C1orf53: variants seen among roughly 807,000 people sequenced by gnomAD.
The protein encoded by C1orf53 is uncharacterized protein C1orf53.
Under a neutral mutation model 17.5 loss-of-function variants are expected in C1orf53, and 23 were observed. The ratio of observed to expected loss-of-function variants is 1.31; its 90% CI spans 0.94 to 1.86. C1orf53 has a LOEUF of 1.86. C1orf53 is among the 40% of genes most tolerant of loss of function. The pLI is 0.00. For synonymous variants in C1orf53, 108 were observed against 81.9 expected (o/e 1.32, Z -1.72); for missense variants, 255 against 193.2 (o/e 1.32, Z -1.89).
intron 2 of C1orf53, among the ~76,000 whole-genome samples, chr1:197,906,219 G>T (rs1169592955): frequency 6.6e-6 from 1 of 152,206 alleles, no homozygotes; most frequent in Non-Finnish European, 1.5e-5. Context: ...AAGAGGGCAG[G>T]AAAAGAAATC....
rs1201425730 is a variant in C1orf53 at position 197,902,836 on chromosome 1, G to C, written c.187G>C (p.Ala63Pro). The C allele has an allele frequency of 6.4e-7, 1 of 1,562,146 alleles. No individual in the cohort carries two copies. The highest frequency in any genetic ancestry group is 1.2e-5 in the South Asian group (1 of 85,104). Residue 63 changes from alanine (A) to proline (P), a missense_variant, in exon 1 of 3, where the codon GCG becomes CCG. Physicochemically the swap from Ala to Pro is conservative, Grantham distance 27. Coordinates refer to ENST00000367393, the MANE Select transcript of C1orf53 (RefSeq NM_001024594.3). The stretch of plus-strand genomic sequence containing the variant: ...CAGCACGCCCGGTAGGCCGGAGAGA[G>C]CGGCGAGGCCTTCGGTGAGCGAAGA... ...APSTPGRPER[A>P]ARPSVSEELT...
rs1357874383 is a variant in C1orf53, at chr1:197,902,908, T to A, written c.259T>A (p.Cys87Ser). 1 of 1,466,166 alleles carries A rather than the reference T, an allele frequency of 6.8e-7. No homozygotes were observed. Among genetic ancestry groups the A allele is most frequent in the Non-Finnish European group, 9.0e-7 (1 of 1,112,128 alleles). The allele number at this position is 1,466,166 out of a possible 1,614,324, so 90.8% of individuals were successfully genotyped here. The change falls in exon 1 of 3, where the codon TGC (cysteine) becomes AGC (serine). Residue 87 changes from cysteine (C) to serine (S), a missense_variant. Cys to Ser is a moderately radical substitution (Grantham distance 112). Transcript: ENST00000367393. ...GATCGCGGAGCTGCACGCTGCCGCC[T>A]GCGCGGTGAGACTCCCTCCTGCCCG... ...RQIAELHAAA[C>S]AAGQLNYVDP...
chr1:197,905,829 G>C lies in C1orf53; in HGVS notation c.298G>C (p.Gly100Arg). 6.2e-7 allele frequency: 1 copy of C among 1,613,892 alleles called. No individual in the cohort carries two copies. The highest frequency in any genetic ancestry group is 8.5e-7 in the Non-Finnish European group (1 of 1,179,808). ...GCTAAACTATGTGGATCCAGCTACT[G>C]GCTATGTGGTGCTCACACAGATTGC... ...GQLNYVDPAT[G>R]YVVLTQIAHL... The change falls in exon 2 of 3, where the codon GGC (glycine) becomes CGC (arginine). Residue 100 changes from glycine to arginine, a missense_variant. Gly to Arg is a moderately radical substitution (Grantham distance 125). Transcript: ENST00000367393.
chr1:197,902,956 C>G (rs1007500615), intron 1 of C1orf53, 43 bp downstream of exon 1: 20 of 1,332,656 alleles, frequency 1.5e-5, no homozygotes, highest in African/African-American at 1.1e-4. Context: ...GCGGCCGCCC[C>G]GGGCTCGGCG....
intron 2 of C1orf53, 38 bp downstream of exon 2, chr1:197,905,935 G>T: frequency 7.0e-7 from 1 of 1,433,828 alleles, no homozygotes; most frequent in African/African-American, 1.4e-5. Context: ...GCAGTTTGCG[G>T]TGCTTCTGTA....
intron 1 of C1orf53, among the ~76,000 whole-genome samples, chr1:197,903,130 G>A (rs141861653): frequency 6.6e-6 from 1 of 152,362 alleles, no homozygotes; most frequent in Non-Finnish European, 1.5e-5. Context: ...GTATGAGTGT[G>A]ATTTGTTTTC....
rs769465005 is a variant in C1orf53 at position 197,902,857 on chromosome 1, G to A, written c.208G>A (p.Glu70Lys). ...PERAARPSVS[E>K]ELTAAERQIA... ...GAGAGCGGCGAGGCCTTCGGTGAGC[G>A]AAGAGTTAACCGCGGCGGAGCGACA... The change falls in exon 1 of 3, where the codon GAA becomes AAA. Residue 70 changes from glutamate (E) to lysine (K), a missense_variant. By Grantham distance (56) the Glu-to-Lys change is moderately conservative. Transcript: ENST00000367393. The A allele has an allele frequency of 1.9e-5, 29 of 1,539,922 alleles. No individual in the cohort carries two copies. Among genetic ancestry groups the A allele is most frequent in the East Asian group, 2.6e-5 (1 of 38,512 alleles).
At position 197,902,881 on chromosome 1, in the gene C1orf53, C is replaced by G; in HGVS notation, c.232C>G (p.Gln78Glu). Reference sequence around the variant, plus strand: ...CGAAGAGTTAACCGCGGCGGAGCGACAGATCGCGGAGCTGCACGCTGCCGC... The same window carrying G: ...CGAAGAGTTAACCGCGGCGGAGCGAGAGATCGCGGAGCTGCACGCTGCCGC... ...VSEELTAAER[Q>E]IAELHAAACA... Residue 78 changes from glutamine to glutamate, a missense_variant, in exon 1 of 3, where the codon CAG (glutamine) becomes GAG (glutamate). By Grantham distance (29) the Gln-to-Glu change is conservative. Coordinates refer to ENST00000367393, the MANE Select transcript of C1orf53 (RefSeq NM_001024594.3). 2.0e-6 allele frequency: 3 copies of G among 1,507,820 alleles called. No individual in the cohort carries two copies. The highest frequency in any genetic ancestry group is 3.6e-4 in the Middle Eastern group (2 of 5,492). The allele number at this position is 1,507,820 out of a possible 1,614,324, so 93.4% of individuals were successfully genotyped here. A position where few individuals can be genotyped will look rare whatever the true frequency, so the allele number is the denominator to read the frequency against.
chr1:197,902,953 C>T (rs1659453962), intron 1 of C1orf53, 40 bp downstream of exon 1: 1 of 1,334,162 alleles, frequency 7.5e-7, no homozygotes, highest in Non-Finnish European at 9.5e-7. Context: ...GCCGCGGCCG[C>T]CCCGGGCTCG....
chr1:197,903,741 T>C (rs979720410), intron 1 of C1orf53, among the ~76,000 whole-genome samples: 11 of 152,122 alleles, frequency 7.2e-5, no homozygotes, highest in African/African-American at 2.7e-4. Context: ...ATCCCGGAGG[T>C]TGCCTAAAAT....
At chr1:197,905,593 A>T (rs935767852) in intron 1 of C1orf53, 2 of 508,332 alleles carry the variant, frequency 3.9e-6, no homozygotes, top group Non-Finnish European at 6.9e-6. Context: ...CAAACTGTAT[A>T]TTTTCTCCTT....
intron 2 of C1orf53, among the ~76,000 whole-genome samples, chr1:197,906,104 G>A (rs992103168): frequency 1.1e-4 from 16 of 152,298 alleles, no homozygotes; most frequent in African/African-American, 3.9e-4. Context: ...TTCACTGTGA[G>A]CATCAGTTCC....
At chr1:197,903,118 G>C (rs1203255206) in intron 1 of C1orf53, among the ~76,000 whole-genome samples, 1 of 152,228 alleles carries the variant, frequency 6.6e-6, no homozygotes, top group Non-Finnish European at 1.5e-5. Flanking sequence ...TGTCTGTCTT[G>C]AGTATGAGTG....
In C1orf53 at chr1:197,902,929, GCCCGC is replaced by G; in HGVS notation, c.264+28_264+32del. The G allele has an allele frequency of 7.4e-7, 1 of 1,353,474 alleles. No homozygotes were observed. Among genetic ancestry groups the G allele is most frequent in the Non-Finnish European group, 9.4e-7 (1 of 1,059,288 alleles). 83.8% of individuals were successfully genotyped at this position (1,353,474 alleles called of 1,614,324 possible). On this transcript the variant is annotated intron_variant, in intron 1 of 2. Transcript: ENST00000367393. ...CGCCTGCGCGGTGAGACTCCCTCCT[GCCCGC>G]CCCGCCCCGCCGCGGCCGCCCCGGG...
rs1459811417 is a variant in C1orf53, at chr1:197,902,741, C to G, written c.92C>G (p.Ala31Gly). 13 of 1,565,874 alleles carry G rather than the reference C, an allele frequency of 8.3e-6. No individual in the cohort carries two copies. The highest frequency in any genetic ancestry group is 1.1e-5 in the Non-Finnish European group (13 of 1,164,184). The change falls in exon 1 of 3, where the codon GCT becomes GGT. Residue 31 changes from alanine (A) to glycine (G), a missense_variant. Physicochemically the swap from Ala to Gly is moderately conservative, Grantham distance 60 (BLOSUM62 0). Transcript: ENST00000367393. The part of the protein sequence containing the change: ...APPPAPLWVR[A>G]GFRQQLSLTL... ...CCGCCAGCACCTCTCTGGGTAAGAGCTGGGTTCCGACAGCAGCTCAGCTTA... is the reference window on the plus strand; with the variant it reads ...CCGCCAGCACCTCTCTGGGTAAGAGGTGGGTTCCGACAGCAGCTCAGCTTA...
At chr1:197,903,015 G>A (rs1478652116) in intron 1 of C1orf53, 102 bp downstream of exon 1, 5 of 1,126,980 alleles carry the variant, frequency 4.4e-6, no homozygotes, top group Non-Finnish European at 5.7e-6. Flanking sequence ...CCCGGCAGAG[G>A]CAAAGGTTGC....
chr1:197,902,872 G>T lies in C1orf53; in HGVS notation c.223G>T (p.Ala75Ser), dbSNP rs766697272. Residue 75 changes from alanine (A) to serine (S), a missense_variant, in exon 1 of 3, where the codon GCG becomes TCG. Physicochemically the swap from Ala to Ser is moderately conservative, Grantham distance 99. Coordinates refer to ENST00000367393, the MANE Select transcript of C1orf53 (RefSeq NM_001024594.3). ...RPSVSEELTA[A>S]ERQIAELHAA... ...TTCGGTGAGCGAAGAGTTAACCGCG[G>T]CGGAGCGACAGATCGCGGAGCTGCA... The T allele has an allele frequency of 1.4e-5, 22 of 1,518,478 alleles. No individual in the cohort carries two copies. The South Asian group carries it at 2.6e-4, about 18-fold the overall frequency. The allele number at this position is 1,518,478 out of a possible 1,614,324, so 94.1% of individuals were successfully genotyped here. A position where few individuals can be genotyped will look rare whatever the true frequency, so the allele number is the denominator to read the frequency against.
chr1:197,906,651 A>C (rs1659527554), intron 2 of C1orf53, among the ~76,000 whole-genome samples: 1 of 152,232 alleles, frequency 6.6e-6, no homozygotes. Flanking sequence ...GTAGTGAGGT[A>C]AATTGTTATA....
At position 197,902,895 on chromosome 1, in the gene C1orf53, GC is replaced by G; in HGVS notation, c.247del (p.His83ThrfsTer10). The part of the protein sequence containing the change: ...TAAERQIAEL[H>X]AAACAAGQLN... ...CGGCGGAGCGACAGATCGCGGAGCT[GC>G]ACGCTGCCGCCTGCGCGGTGAGACT... On this transcript the variant is annotated frameshift_variant, in exon 1 of 3. Coordinates refer to ENST00000367393, the MANE Select transcript of C1orf53 (RefSeq NM_001024594.3). LOFTEE classifies it high-confidence loss of function. 1 of 1,480,276 alleles carries G rather than the reference GC, an allele frequency of 6.8e-7. No individual in the cohort carries two copies. The highest frequency in any genetic ancestry group is 8.9e-7 in the Non-Finnish European group (1 of 1,119,290). 91.7% of individuals were successfully genotyped at this position (1,480,276 alleles called of 1,614,324 possible). A position where few individuals can be genotyped will look rare whatever the true frequency, so the allele number is the denominator to read the frequency against.
Sources: allele counts gnomAD v4.1 joint callset (sites outside exome capture counted in the v4.1 genomes callset), GRCh38; gene constraint gnomAD v4.1.1; transcripts MANE v1.5; gene names NCBI Gene and HGNC (gene_info 2026-07-23, HGNC 2026-07-21).